The following KCNK13 variants were observed in gnomAD, a reference collection of about 807,000 sequenced individuals.
KCNK13 encodes the protein potassium channel subfamily K member 13.
In KCNK13, 12 loss-of-function variants were observed where a neutral mutation model predicts 23.4. That is an observed-to-expected ratio of 0.51 (90% CI 0.33 to 0.83). The LOEUF is 0.83. Among genes scored for constraint, KCNK13 ranks in the 40% least tolerant of loss-of-function variants. The pLI is 0.02. For missense variants in KCNK13, 463 were observed against 556.3 expected (o/e 0.83, Z 1.69); for synonymous variants, 231 against 229.5 (o/e 1.01, Z -0.06).
intron 1 of KCNK13, among the ~76,000 whole-genome samples, chr14:90,112,061 A>G (rs1889621648): frequency 6.6e-6 from 1 of 152,172 alleles, no homozygotes; most frequent in Admixed American, 6.5e-5. Flanking sequence ...CTCTTAGATC[A>G]AGGCTCTGCC....
intron 1 of KCNK13, among the ~76,000 whole-genome samples, chr14:90,101,003 T>C (rs1002268575): frequency 5.3e-5 from 8 of 152,114 alleles, no homozygotes; most frequent in African/African-American, 1.9e-4. Context: ...CAGCACGAGA[T>C]ATTTGAGTCA....
chr14:90,170,936 G>A (rs377468486), intron 1 of KCNK13, among the ~76,000 whole-genome samples: 1 of 152,198 alleles, frequency 6.6e-6, no homozygotes, highest in East Asian at 1.9e-4. Flanking sequence ...GGCAAAATAT[G>A]GGGGAGGATG....
chr14:90,073,509 T>C (rs964409387), intron 1 of KCNK13, among the ~76,000 whole-genome samples: 1 of 152,176 alleles, frequency 6.6e-6, no homozygotes, highest in Admixed American at 6.5e-5. Flanking sequence ...TTGGGTCTTC[T>C]CTCCTTTTAA....
At chr14:90,132,794 G>A (rs1889890669) in intron 1 of KCNK13, among the ~76,000 whole-genome samples, 1 of 152,096 alleles carries the variant, frequency 6.6e-6, no homozygotes, top group South Asian at 2.1e-4. Context: ...AAAAAGAATA[G>A]TAACTATCGC....
chr14:90,141,408 C>T (rs927252979), intron 1 of KCNK13, among the ~76,000 whole-genome samples: 5 of 152,196 alleles, frequency 3.3e-5, no homozygotes, highest in African/African-American at 4.8e-5. Context: ...AGGTAAGGAA[C>T]AGATGCATCA....
chr14:90,130,294 G>A (rs900415912), intron 1 of KCNK13, among the ~76,000 whole-genome samples: 6 of 151,714 alleles, frequency 4.0e-5, no homozygotes, highest in Non-Finnish European at 7.4e-5. Flanking sequence ...CCGCCTCCCA[G>A]GCTCAAGCGA....
chr14:90,099,892 C>G (rs1241464474), intron 1 of KCNK13, among the ~76,000 whole-genome samples: 1 of 152,050 alleles, frequency 6.6e-6, no homozygotes, highest in Non-Finnish European at 1.5e-5. Context: ...GCAGACTGTC[C>G]CAAATTTGTG....
chr14:90,148,998 C>A (rs1391662613), intron 1 of KCNK13, among the ~76,000 whole-genome samples: 1 of 152,176 alleles, frequency 6.6e-6, no homozygotes, highest in Non-Finnish European at 1.5e-5. Context: ...TTATATATTG[C>A]ATGGTGTATT....
At chr14:90,134,323 C>G (rs1254279970) in intron 1 of KCNK13, among the ~76,000 whole-genome samples, 1 of 152,132 alleles carries the variant, frequency 6.6e-6, no homozygotes, top group Non-Finnish European at 1.5e-5. Flanking sequence ...AGTTCATGTC[C>G]AAGTGGTAGA....
At chr14:90,141,804 G>GGGGA (rs397818294) in intron 1 of KCNK13, among the ~76,000 whole-genome samples, 1 of 143,282 alleles carries the variant, frequency 7.0e-6, no homozygotes, top group Non-Finnish European at 1.5e-5. Context: ...TGGGGGGGGG[G>GGGGA]ACGGAGCCTT....
At chr14:90,083,745 G>C (rs186936024) in intron 1 of KCNK13, among the ~76,000 whole-genome samples, 1 of 152,282 alleles carries the variant, frequency 6.6e-6, no homozygotes, top group Admixed American at 6.5e-5. Flanking sequence ...AAAATTCTAA[G>C]AAGTAAATTT....
intron 1 of KCNK13, among the ~76,000 whole-genome samples, chr14:90,072,574 A>G (rs1889088956): frequency 6.6e-6 from 1 of 152,214 alleles, no homozygotes; most frequent in Non-Finnish European, 1.5e-5. Flanking sequence ...TCTTGAGTGT[A>G]GCAGAGCTTG....
chr14:90,062,526 C>G lies in KCNK13; in HGVS notation c.321C>G (p.Val107=). ...FTGAFYFVGT[V]VSTIGFGMTT... ...GCGCCTTCTACTTCGTGGGCACCGT[C>G]GTTTCCACCATAGGTAAGTGTGCTG... The change falls in exon 1 of 2, where the codon GTC becomes GTG. Residue 107 remains valine (V), a synonymous_variant. Transcript: ENST00000282146. This position sits in a 1 kb window ranked among gnomAD's most constrained non-coding sequence, Gnocchi z 4.5. 6.6e-7 allele frequency: 1 copy of G among 1,513,270 alleles called. No homozygotes were observed. Among genetic ancestry groups the G allele is most frequent in the Non-Finnish European group, 8.8e-7 (1 of 1,130,766 alleles). 93.7% of individuals were successfully genotyped at this position (1,513,270 alleles called of 1,614,324 possible). A position where few individuals can be genotyped will look rare whatever the true frequency, so the allele number is the denominator to read the frequency against.
chr14:90,073,093 C>T (rs1476738200), intron 1 of KCNK13, among the ~76,000 whole-genome samples: 1 of 152,186 alleles, frequency 6.6e-6, no homozygotes, highest in East Asian at 1.9e-4. Flanking sequence ...ACCACCACTT[C>T]TTTGCCTTTT....
At chr14:90,142,273 A>G (rs1028101541) in intron 1 of KCNK13, among the ~76,000 whole-genome samples, 45 of 149,286 alleles carry the variant, frequency 3.0e-4, no homozygotes, top group African/African-American at 9.7e-4. Context: ...ATATTGTTAC[A>G]TGCATCAATA....
At chr14:90,064,677 G>A (rs142958648) in intron 1 of KCNK13, among the ~76,000 whole-genome samples, 2 of 152,298 alleles carry the variant, frequency 1.3e-5, no homozygotes, top group East Asian at 3.9e-4. Context: ...GTCTGCGTAA[G>A]CCTGCCCCTG....
At chr14:90,176,689 G>C (rs1468834477) in intron 1 of KCNK13, among the ~76,000 whole-genome samples, 1 of 152,164 alleles carries the variant, frequency 6.6e-6, no homozygotes, top group African/African-American at 2.4e-5. Flanking sequence ...ACTGCAACTT[G>C]AGAAAACCTG....
chr14:90,156,819 C>G (rs906386122), intron 1 of KCNK13, among the ~76,000 whole-genome samples: 26 of 152,168 alleles, frequency 1.7e-4, no homozygotes, highest in African/African-American at 6.0e-4. Context: ...GCTCTTCTGC[C>G]TCACATGCAG....
At chr14:90,134,506 G>A (rs567489673) in intron 1 of KCNK13, among the ~76,000 whole-genome samples, 15 of 152,292 alleles carry the variant, frequency 9.8e-5, no homozygotes, top group Admixed American at 5.9e-4. Context: ...CCATAAGAAA[G>A]ATCCAATGTT....
Sources: gnomAD v4.1 joint callset for allele counts (sites outside exome capture counted in the v4.1 genomes callset) on GRCh38, gnomAD v4.1.1 for gene constraint, Gnocchi (gnomAD v3.1) non-coding constraint, MANE v1.5 for transcripts, NCBI Gene and HGNC (gene_info 2026-07-23, HGNC 2026-07-21) for gene names.